Variants in EYA1 observed in about 807,000 individuals in gnomAD.
The protein encoded by EYA1 is EYA transcriptional coactivator and phosphatase 1, also known as protein phosphatase EYA1.
A neutral mutation model predicts 82.0 loss-of-function variants in EYA1; 16 were observed. That is an observed-to-expected ratio of 0.20 (90% CI 0.13 to 0.30). The LOEUF (loss-of-function observed/expected upper bound fraction) is 0.30, where lower values mean the gene tolerates loss of function less well. EYA1 is among the 10% of genes least tolerant of loss of function. EYA1 has a pLI of 1.00. For synonymous variants in EYA1, 261 were observed against 264.4 expected (o/e 0.99, Z 0.12); for missense variants, 633 against 730.7 (o/e 0.87, Z 1.54).
At chr8:71,485,065 TCTGA>T (rs1276461901) in intron 2 of EYA1, among the ~76,000 whole-genome samples, 1 of 152,248 alleles carries the variant, frequency 6.6e-6, no homozygotes, top group Non-Finnish European at 1.5e-5. Flanking sequence ...TCTAGGAGGA[TCTGA>T]CTGACTAATG....
intron 17 of EYA1, among the ~76,000 whole-genome samples, chr8:71,204,813 G>T (rs898391464): frequency 1.3e-5 from 2 of 152,212 alleles, no homozygotes; most frequent in Non-Finnish European, 2.9e-5. Context: ...AACTTATTAT[G>T]AAACTTATTG....
intron 2 of EYA1, among the ~76,000 whole-genome samples, chr8:71,533,399 T>C (rs1241486566): frequency 6.6e-6 from 1 of 152,204 alleles, no homozygotes; most frequent in Non-Finnish European, 1.5e-5. Context: ...AGGGATTTAC[T>C]CTAAATATGG....
intron 3 of EYA1, among the ~76,000 whole-genome samples, chr8:71,351,397 G>A (rs987048092): frequency 1.3e-5 from 2 of 152,120 alleles, no homozygotes; most frequent in Non-Finnish European, 2.9e-5. Context: ...ATTCATTTAT[G>A]CTACTATTTT....
chr8:71,487,551 C>T (rs181532146), intron 2 of EYA1, among the ~76,000 whole-genome samples: 215 of 152,288 alleles, frequency 1.4e-3, no homozygotes, highest in African/African-American at 4.8e-3. Context: ...TACTGCCTAA[C>T]TCTACCAAAA....
intron 2 of EYA1, among the ~76,000 whole-genome samples, chr8:71,441,665 A>G (rs760665810): frequency 2.0e-5 from 3 of 152,206 alleles, no homozygotes; most frequent in African/African-American, 4.8e-5. Context: ...GGGATGATGG[A>G]CAAGTAAATG....
At chr8:71,533,327 G>A (rs939040352) in intron 2 of EYA1, among the ~76,000 whole-genome samples, 12 of 152,194 alleles carry the variant, frequency 7.9e-5, no homozygotes, top group African/African-American at 2.2e-4. Flanking sequence ...GTGGTATGAC[G>A]AGTAGGTGGG....
chr8:71,482,845 A>G (rs1174785795), intron 2 of EYA1, among the ~76,000 whole-genome samples: 1 of 152,212 alleles, frequency 6.6e-6, no homozygotes, highest in Non-Finnish European at 1.5e-5. Context: ...AAACAAATCT[A>G]TTGGTCAGAG....
At chr8:71,312,311 A>G (rs1467998141) in intron 7 of EYA1, among the ~76,000 whole-genome samples, 1 of 152,210 alleles carries the variant, frequency 6.6e-6, no homozygotes, top group African/African-American at 2.4e-5. Flanking sequence ...ATTTAGGTGT[A>G]TGTACAACAA....
At chr8:71,447,344 C>A (rs776742876) in intron 2 of EYA1, among the ~76,000 whole-genome samples, 1 of 152,142 alleles carries the variant, frequency 6.6e-6, no homozygotes, top group Non-Finnish European at 1.5e-5. Context: ...AAGGCCAGAA[C>A]TACCTCTTCA....
intron 17 of EYA1, among the ~76,000 whole-genome samples, chr8:71,202,114 T>A (rs1807105689): frequency 6.6e-6 from 1 of 152,184 alleles, no homozygotes; most frequent in Non-Finnish European, 1.5e-5. Context: ...CTTTTGCATG[T>A]CAATTGTCTG....
At chr8:71,280,442 C>A (rs1817688220) in intron 9 of EYA1, among the ~76,000 whole-genome samples, 1 of 152,200 alleles carries the variant, frequency 6.6e-6, no homozygotes. Flanking sequence ...ACAAACCCAC[C>A]TCTAATCCTC....
intron 2 of EYA1, among the ~76,000 whole-genome samples, chr8:71,468,822 A>G (rs898346038): frequency 1.3e-5 from 2 of 152,146 alleles, no homozygotes; most frequent in Non-Finnish European, 2.9e-5. Flanking sequence ...TCCATTTAAC[A>G]TTGCAAATTT....
At chr8:71,385,375 C>T (rs992219443) in intron 2 of EYA1, among the ~76,000 whole-genome samples, 7 of 152,056 alleles carry the variant, frequency 4.6e-5, no homozygotes, top group African/African-American at 1.4e-4. Flanking sequence ...TAAATGATCA[C>T]TCTCACCTGA....
chr8:71,208,824 T>C (rs1461609443), intron 17 of EYA1, among the ~76,000 whole-genome samples: 1 of 152,244 alleles, frequency 6.6e-6, no homozygotes, highest in Non-Finnish European at 1.5e-5. Flanking sequence ...CAAGAATTCC[T>C]TTGTTTTTTT....
At chr8:71,415,919 G>A (rs370991147) in intron 2 of EYA1, among the ~76,000 whole-genome samples, 12 of 152,306 alleles carry the variant, frequency 7.9e-5, no homozygotes, top group South Asian at 6.2e-4. Context: ...ATATTACAAC[G>A]TGGGGATAAG....
intron 2 of EYA1, among the ~76,000 whole-genome samples, chr8:71,476,869 A>G (rs1421496531): frequency 6.6e-6 from 1 of 152,148 alleles, no homozygotes; most frequent in African/African-American, 2.4e-5. Context: ...GTACTGGCAG[A>G]AAAATAGACA....
chr8:71,204,033 C>A (rs1268577795), intron 17 of EYA1: 1 of 152,062 alleles, frequency 6.6e-6, no homozygotes, highest in Non-Finnish European at 1.5e-5. Context: ...AGCCCTGGGA[C>A]CAAAAACAGA....
At chr8:71,523,173 C>CTTTTT (rs201950125) in intron 2 of EYA1, among the ~76,000 whole-genome samples, 4,521 of 110,228 alleles carry the variant, frequency 0.041, 602 homozygotes, top group East Asian at 0.34. Flanking sequence ...TTTCTTTTTT[C>CTTTTT]TTTTTCTTTT....
At chr8:71,260,687 C>T (rs781295851) in intron 11 of EYA1, among the ~76,000 whole-genome samples, 3 of 152,120 alleles carry the variant, frequency 2.0e-5, no homozygotes, top group Non-Finnish European at 4.4e-5. Context: ...AAATAAGGTT[C>T]CTAAACTCTC....
Sources: allele counts gnomAD v4.1 joint callset (sites outside exome capture counted in the v4.1 genomes callset), GRCh38; gene constraint gnomAD v4.1.1; transcripts MANE v1.5; gene names NCBI Gene and HGNC (gene_info 2026-07-23, HGNC 2026-07-21).